OXGR1: variants seen among roughly 807,000 people sequenced by gnomAD.
OXGR1 encodes the protein oxoglutarate receptor 1, also known as 2-oxoglutarate receptor 1.
Under a neutral mutation model 10.0 loss-of-function variants are expected in OXGR1, and 10 were observed. The ratio of observed to expected loss-of-function variants is 1.00; its 90% CI spans 0.62 to 1.70. The LOEUF is 1.70. OXGR1 is among the 40% of genes most tolerant of loss of function. The pLI is 0.00. For missense variants in OXGR1, 398 were observed against 407.6 expected (o/e 0.98, Z 0.20); for synonymous variants, 191 against 155.9 (o/e 1.22, Z -1.68).
At chr13:96,992,856 T>C (rs1313459688) in intron 1 of OXGR1, among the ~76,000 whole-genome samples, 2 of 152,156 alleles carry the variant, frequency 1.3e-5, no homozygotes, top group African/African-American at 4.8e-5. Flanking sequence ...AGTTGGTTCT[T>C]TCCTCCTTTT....
intron 3 of OXGR1, among the ~76,000 whole-genome samples, chr13:96,988,371 T>A (rs1881888692): frequency 6.6e-6 from 1 of 152,154 alleles, no homozygotes. Flanking sequence ...CTACATTACC[T>A]CTCAGTGCTG....
At position 96,987,100 on chromosome 13, in the gene OXGR1, C is replaced by A. The variant is rs1389290041; in HGVS notation, c.660G>T (p.Thr220=). 1.2e-6 allele frequency: 2 copies of A among 1,614,144 alleles called. No homozygotes were observed. Among genetic ancestry groups the A allele is most frequent in the East Asian group, 4.5e-5 (2 of 44,882 alleles). The change falls in exon 4 of 4, where the codon ACG becomes ACT. Residue 220 remains threonine (T), a synonymous_variant. Coordinates refer to ENST00000541038, the MANE Select transcript of OXGR1 (RefSeq NM_001346194.2). ...PLVIVTLCYT[T]IIHTLTHGLQ... ...GTCCATGGGTCAGAGTGTGGATAATCGTGGTATAGCAAAGTGTCACTATCA... is the reference window on the plus strand; with the variant it reads ...GTCCATGGGTCAGAGTGTGGATAATAGTGGTATAGCAAAGTGTCACTATCA...
chr13:96,987,489 G>C lies in OXGR1; in HGVS notation c.271C>G (p.His91Asp). The change falls in exon 4 of 4, where the codon CAC becomes GAC. Residue 91 changes from histidine to aspartate, a missense_variant. Transcript: ENST00000541038. ...LYLTSLPFLI[H>D]YYASGENWIF... ...CAGTTTTCGCCACTGGCATAGTAGT[G>C]AATCAGGAAGGGGAGGCTGGTCAGA... 1 of 1,614,198 alleles carries C rather than the reference G, an allele frequency of 6.2e-7. No individual in the cohort carries two copies. The highest frequency in any genetic ancestry group is 2.2e-5 in the East Asian group (1 of 44,880).
At position 96,985,808 on chromosome 13, in the gene OXGR1, C is replaced by T. The variant is rs1881705460; in HGVS notation, c.*938G>A. On this transcript the variant is annotated 3_prime_UTR_variant, in exon 4 of 4. Transcript: ENST00000541038. ...TGTTTTCTCAAATATTTATACTTAC[C>T]GATAATTAAGCACACATACAATTCA... 6.6e-6 allele frequency: 1 copy of T among 151,958 alleles called. No individual in the cohort carries two copies. Among genetic ancestry groups the T allele is most frequent in the Admixed American group, 6.6e-5 (1 of 15,262 alleles). 9.4% of individuals were successfully genotyped at this position (151,958 alleles called of 1,614,324 possible).
chr13:96,992,933 G>A (rs1200266178), intron 1 of OXGR1, among the ~76,000 whole-genome samples: 1 of 152,178 alleles, frequency 6.6e-6, no homozygotes, highest in Non-Finnish European at 1.5e-5. Context: ...TCTCTCCAGA[G>A]TCCTTGGAAG....
Position 96,993,692 on chromosome 13 carries a change from A to G in OXGR1, c.-278+606T>C, listed in dbSNP as rs147559448. 9.1e-3 allele frequency among the ~76,000 whole-genome samples: 1,381 copies of G among 152,262 alleles called. 10 individuals carry two copies. The highest frequency in any genetic ancestry group is 0.02 in the Middle Eastern group (6 of 294). On this transcript the variant is annotated intron_variant, in intron 1 of 3. Coordinates refer to ENST00000541038, the MANE Select transcript of OXGR1 (RefSeq NM_001346194.2). ...ATGCATGCATGGACACGCAAATATTATACATACAAGTTAGAGGTTTAGAGA... is the reference window on the plus strand; with the variant it reads ...ATGCATGCATGGACACGCAAATATTGTACATACAAGTTAGAGGTTTAGAGA...
chr13:96,992,810 TG>T (rs1882124347), intron 1 of OXGR1, among the ~76,000 whole-genome samples: 1 of 152,182 alleles, frequency 6.6e-6, no homozygotes, highest in African/African-American at 2.4e-5. Context: ...CCAGACTCCC[TG>T]GGTTTTTCTG....
rs895347289 is a variant in OXGR1 at position 96,986,988 on chromosome 13, G to A, written c.772C>T (p.His258Tyr). ...TCGATCCGAATGACCCTCAAGATAT[G>A]GAAGGGTAAAAAACATACGTAAAAT... ...LAFYVCFLPF[H>Y]ILRVIRIESR... The change falls in exon 4 of 4, where the codon CAT becomes TAT. Residue 258 changes from histidine to tyrosine, a missense_variant. Transcript: ENST00000541038. 7 of 1,614,064 alleles carry A rather than the reference G, an allele frequency of 4.3e-6. No homozygotes were observed. The African/African-American group carries it at 6.7e-5, about 15-fold the overall frequency.
At position 96,986,946 on chromosome 13, in the gene OXGR1, T is replaced by G; in HGVS notation, c.814A>C (p.Ile272Leu). Residue 272 changes from isoleucine (I) to leucine (L), a missense_variant, in exon 4 of 4, where the codon ATC (isoleucine) becomes CTC (leucine). By Grantham distance (5) the Ile-to-Leu change is conservative (BLOSUM62 2). Transcript: ENST00000541038. ...ATCTGATTCTCAATGGAACAACTGA[T>G]TGAAAGCAGGCGAGATTCGATCCGA... The part of the protein sequence containing the change: ...VIRIESRLLS[I>L]SCSIENQIHE... 1 of 1,614,164 alleles carries G rather than the reference T, an allele frequency of 6.2e-7. No homozygotes were observed. The highest frequency in any genetic ancestry group is 8.5e-7 in the Non-Finnish European group (1 of 1,180,026).
At chr13:96,993,291 C>T (rs771924682) in intron 1 of OXGR1, among the ~76,000 whole-genome samples, 18 of 152,130 alleles carry the variant, frequency 1.2e-4, no homozygotes, top group Non-Finnish European at 2.4e-4. Context: ...ATGATCTTGG[C>T]GCACTTCAAC....
chr13:96,987,769 C>G lies in OXGR1; in HGVS notation c.-10G>C. On this transcript the variant is annotated 5_prime_UTR_variant, in exon 4 of 4. Coordinates refer to ENST00000541038, the MANE Select transcript of OXGR1 (RefSeq NM_001346194.2). The stretch of plus-strand genomic sequence containing the variant: ...CTAGTGGCTCATTCATGGTTGTCTC[C>G]TTTCATCTTGCAAGAAAACAAGAGA... 1.3e-6 allele frequency: 2 copies of G among 1,549,086 alleles called. No homozygotes were observed. Among genetic ancestry groups the G allele is most frequent in the Middle Eastern group, 1.7e-4 (1 of 5,734 alleles).
At chr13:96,993,817 G>C (rs2138910381) in intron 1 of OXGR1, among the ~76,000 whole-genome samples, 1 of 151,996 alleles carries the variant, frequency 6.6e-6, no homozygotes, top group Admixed American at 6.5e-5. Flanking sequence ...TGTTGGGGGT[G>C]GGGGTGGGGC....
At position 96,987,015 on chromosome 13, in the gene OXGR1, C is replaced by A. The variant is rs756572861; in HGVS notation, c.745G>T (p.Ala249Ser). 7 of 1,614,170 alleles carry A rather than the reference C, an allele frequency of 4.3e-6. No homozygotes were observed. The South Asian group carries it at 7.7e-5, about 18-fold the overall frequency. Residue 249 changes from alanine (A) to serine (S), a missense_variant, in exon 4 of 4, where the codon GCA (alanine) becomes TCA (serine). Physicochemically the swap from Ala to Ser is moderately conservative, Grantham distance 99. Transcript: ENST00000541038. Reference protein sequence around the residue: ...ARRLTILLLLAFYVCFLPFHI... With the variant: ...ARRLTILLLLSFYVCFLPFHI... ...AAGGGTAAAAAACATACGTAAAATG[C>A]AAGGAGTAGCAGAATGGTTAGCCTT...
chr13:96,991,625 G>T (rs1882062651), intron 2 of OXGR1, among the ~76,000 whole-genome samples: 1 of 152,202 alleles, frequency 6.6e-6, no homozygotes, highest in Non-Finnish European at 1.5e-5. Context: ...AACTTGTGAA[G>T]AAAAAGCTTA....
chr13:96,992,884 C>T lies in OXGR1; in HGVS notation c.-277-312G>A, dbSNP rs146341243. Among the ~76,000 whole-genome samples, 738 of 152,246 alleles carry T rather than the reference C, an allele frequency of 4.8e-3. 4 individuals carry two copies. The highest frequency in any genetic ancestry group is 0.017 in the African/African-American group (707 of 41,526). ...CTCCTTTTCCCAAGATGCCAATGGA[C>T]GAGGGAGGTGCACAGTTGGAACACT... On this transcript the variant is annotated intron_variant, in intron 1 of 3. Transcript: ENST00000541038.
intron 3 of OXGR1, 77 bp from the exon 4 acceptor site, chr13:96,987,910 A>C: frequency 9.2e-7 from 1 of 1,089,906 alleles, no homozygotes; most frequent in South Asian, 2.4e-5. Context: ...AATTATTCTA[A>C]CATCCTAAAT....
intron 1 of OXGR1, among the ~76,000 whole-genome samples, chr13:96,993,642 A>G (rs763466843): frequency 4.6e-5 from 7 of 152,132 alleles, no homozygotes; most frequent in Non-Finnish European, 7.4e-5. Context: ...AACAAATACA[A>G]CTTCTGAGAG....
intron 2 of OXGR1, among the ~76,000 whole-genome samples, chr13:96,991,735 A>G (rs942077943): frequency 2.6e-5 from 4 of 152,208 alleles, no homozygotes; most frequent in African/African-American, 9.6e-5. Context: ...CTGAGTATAT[A>G]CCCAAAAGAA....
At chr13:96,991,066 T>C (rs1284568193) in intron 2 of OXGR1, among the ~76,000 whole-genome samples, 1 of 150,976 alleles carries the variant, frequency 6.6e-6, no homozygotes, top group Non-Finnish European at 1.5e-5. Context: ...TTTTAAACAA[T>C]AATTCTATGA....
Sources: gnomAD v4.1 joint callset for allele counts (sites outside exome capture counted in the v4.1 genomes callset) on GRCh38, gnomAD v4.1.1 for gene constraint, MANE v1.5 for transcripts, NCBI Gene and HGNC (gene_info 2026-07-23, HGNC 2026-07-21) for gene names.